Variants in SKA2 observed in about 807,000 individuals in gnomAD.
The protein encoded by SKA2 is spindle and kinetochore-associated protein 2.
Under a neutral mutation model 16.9 loss-of-function variants are expected in SKA2, and 13 were observed. That is an observed-to-expected ratio of 0.77 (90% CI 0.50 to 1.22). SKA2 has a LOEUF of 1.22. SKA2 is among the 50% of genes most tolerant of loss of function. SKA2 has a pLI of 0.00. For missense variants in SKA2, 107 were observed against 139.7 expected, an observed-to-expected ratio of 0.77 and a Z score of 1.18; for synonymous variants, 47 against 48.5, an observed-to-expected ratio of 0.97 and a Z score of 0.13.
At chr17:59,128,752 TGG>T (rs1163666798) in intron 2 of SKA2, among the ~76,000 whole-genome samples, 1 of 152,126 alleles carries the variant, frequency 6.6e-6, no homozygotes, top group Non-Finnish European at 1.5e-5. Context: ...GATTCGTCTT[TGG>T]GAGCTTGCAG....
chr17:59,122,903 G>A (rs978642785), intron 2 of SKA2, among the ~76,000 whole-genome samples: 2 of 151,446 alleles, frequency 1.3e-5, no homozygotes, highest in Non-Finnish European at 2.9e-5. Context: ...GATTACAGGC[G>A]TGAACCACTG....
chr17:59,155,007 G>A (rs1327877520), intron 1 of SKA2, 124 bp downstream of exon 1: 3 of 1,613,974 alleles, frequency 1.9e-6, no homozygotes, highest in African/African-American at 1.3e-5. Flanking sequence ...TGCAGGAGGA[G>A]GGAACTCGAC....
chr17:59,130,849 A>T (rs2046407367), intron 2 of SKA2, among the ~76,000 whole-genome samples: 1 of 152,220 alleles, frequency 6.6e-6, no homozygotes, highest in Non-Finnish European at 1.5e-5. Context: ...GAGTAATTAA[A>T]TAGATAGCTT....
intron 3 of SKA2, among the ~76,000 whole-genome samples, chr17:59,115,395 A>T (rs1258813264): frequency 2.0e-5 from 3 of 152,080 alleles, no homozygotes; most frequent in Non-Finnish European, 2.9e-5. Context: ...CGTTATGTAA[A>T]TAGGACAGCC....
At position 59,112,150 on chromosome 17, in the gene SKA2, G is replaced by C. The variant is rs2046267588; in HGVS notation, c.*127C>G. The stretch of plus-strand genomic sequence containing the variant: ...CTCTCATGAAAGATATCATTATCCA[G>C]TCATTGAAGCCAAACCCCCTTCACC... On this transcript the variant is annotated 3_prime_UTR_variant, in exon 4 of 4. Coordinates refer to ENST00000330137, the MANE Select transcript of SKA2 (RefSeq NM_182620.4). 1 of 663,230 alleles carries C rather than the reference G, an allele frequency of 1.5e-6. No individual in the cohort carries two copies. Among genetic ancestry groups the C allele is most frequent in the Non-Finnish European group, 2.7e-6 (1 of 377,154 alleles). The allele number at this position is 663,230 out of a possible 1,614,324, so 41.1% of individuals were successfully genotyped here. A position where few individuals can be genotyped will look rare whatever the true frequency, so the allele number is the denominator to read the frequency against.
intron 1 of SKA2, among the ~76,000 whole-genome samples, chr17:59,149,268 G>A (rs1163957609): frequency 6.6e-6 from 1 of 152,158 alleles, no homozygotes; most frequent in Non-Finnish European, 1.5e-5. Flanking sequence ...AGCACTTTGG[G>A]AGACTGAAGT....
At chr17:59,151,016 A>C in intron 1 of SKA2, 1 of 358,786 alleles carries the variant, frequency 2.8e-6, no homozygotes, top group Non-Finnish European at 5.7e-6. Flanking sequence ...TCAAATTATG[A>C]CTTTCTAAAA....
intron 1 of SKA2, among the ~76,000 whole-genome samples, chr17:59,153,439 A>T (rs1042948275): frequency 6.6e-6 from 1 of 152,172 alleles, no homozygotes; most frequent in Non-Finnish European, 1.5e-5. Flanking sequence ...CTCCAACCCC[A>T]CACACACTGC....
chr17:59,146,921 C>T (rs1568311469), intron 1 of SKA2, among the ~76,000 whole-genome samples: 3 of 152,170 alleles, frequency 2.0e-5, no homozygotes, highest in South Asian at 2.1e-4. Flanking sequence ...TCCTCTGTCT[C>T]GGCCTCCCAG....
rs781703711 is a variant in SKA2, at chr17:59,155,002, G to T, written c.33+129C>A. ...ACGGTGGCGGCTCCCTTTGGTGCAG[G>T]AGGAGGGAACTCGACTCTGGTCCAG... On this transcript the variant is annotated intron_variant, in intron 1 of 3. Transcript: ENST00000330137. 3.1e-6 allele frequency: 5 copies of T among 1,613,678 alleles called. No individual in the cohort carries two copies. The African/African-American group carries it at 4.0e-5, about 13-fold the overall frequency.
At chr17:59,146,267 G>A (rs116487453) in intron 1 of SKA2, among the ~76,000 whole-genome samples, 2,829 of 152,252 alleles carry the variant, frequency 0.019, 84 homozygotes, top group African/African-American at 0.064. Context: ...GAGAGGCCAA[G>A]GTGGGAGGAT....
At chr17:59,148,086 C>T (rs989838908) in intron 1 of SKA2, among the ~76,000 whole-genome samples, 3 of 151,826 alleles carry the variant, frequency 2.0e-5, no homozygotes, top group East Asian at 1.9e-4. Flanking sequence ...GTAATCTGCC[C>T]GCTTCGGCCT....
At chr17:59,113,751 G>A (rs1024269943) in intron 3 of SKA2, among the ~76,000 whole-genome samples, 3 of 151,962 alleles carry the variant, frequency 2.0e-5, no homozygotes, top group African/African-American at 4.8e-5. Flanking sequence ...GCTTGAACCC[G>A]GGAGGTGGAG....
chr17:59,137,023 T>C (rs2046450612), intron 1 of SKA2, among the ~76,000 whole-genome samples: 1 of 152,184 alleles, frequency 6.6e-6, no homozygotes, highest in Non-Finnish European at 1.5e-5. Context: ...ATTCTTTTTT[T>C]TCTTTTTGAG....
chr17:59,140,930 C>G (rs1050592813), intron 1 of SKA2, among the ~76,000 whole-genome samples: 3 of 151,548 alleles, frequency 2.0e-5, no homozygotes, highest in Admixed American at 1.3e-4. Context: ...GCCTAAAAGG[C>G]TAGTTTTATC....
intron 1 of SKA2, among the ~76,000 whole-genome samples, chr17:59,153,993 A>G (rs1237602719): frequency 6.6e-6 from 1 of 151,622 alleles, no homozygotes; most frequent in East Asian, 1.9e-4. Flanking sequence ...GGTAGTCTCA[A>G]TGTCTTGACC....
At chr17:59,134,549 T>C (rs917682757) in intron 1 of SKA2, among the ~76,000 whole-genome samples, 3 of 152,046 alleles carry the variant, frequency 2.0e-5, no homozygotes, top group South Asian at 2.1e-4. Flanking sequence ...GTTCCTTGAA[T>C]GGTAACTTTC....
At chr17:59,148,276 G>A (rs1206960541) in intron 1 of SKA2, among the ~76,000 whole-genome samples, 1 of 152,088 alleles carries the variant, frequency 6.6e-6, no homozygotes, top group African/African-American at 2.4e-5. Flanking sequence ...GCTCGATATT[G>A]CTAACATAAC....
chr17:59,137,385 A>G (rs2046453915), intron 1 of SKA2, among the ~76,000 whole-genome samples: 1 of 152,198 alleles, frequency 6.6e-6, no homozygotes, highest in South Asian at 2.1e-4. Flanking sequence ...CTAAAGTTAC[A>G]AAGCTAGTCA....
Sources: gnomAD v4.1 joint callset for allele counts (sites outside exome capture counted in the v4.1 genomes callset) on GRCh38, gnomAD v4.1.1 for gene constraint, MANE v1.5 for transcripts, NCBI Gene and HGNC (gene_info 2026-07-23, HGNC 2026-07-21) for gene names.